The following NSUN4 variants were observed in gnomAD, a reference collection of about 807,000 sequenced individuals.
NSUN4 encodes the protein NOP2/Sun RNA methyltransferase 4, also known as 5-cytosine rRNA methyltransferase NSUN4.
Under a neutral mutation model 43.8 loss-of-function variants are expected in NSUN4, and 31 were observed. The observed-to-expected ratio is 0.71, with a 90% CI of 0.53 to 0.96. The LOEUF (loss-of-function observed/expected upper bound fraction) is 0.96. Among genes scored for constraint, NSUN4 ranks in the 40% least tolerant of loss-of-function variants. The pLI is 0.00. For synonymous variants in NSUN4, 167 were observed against 184.1 expected, an observed-to-expected ratio of 0.91 and a Z score of 0.75; for missense variants, 439 against 475.6, an observed-to-expected ratio of 0.92 and a Z score of 0.72.
chr1:46,370,158 G>A, the NSUN4 span, among the ~76,000 whole-genome samples: 15 of 152,140 alleles, frequency 9.9e-5, no homozygotes, highest in South Asian at 8.3e-4. Flanking sequence ...GGGGAATTGG[G>A]AGTATTTCGC....
Position 46,361,856 on chromosome 1 carries a change from A to G in NSUN4, c.*10A>G, listed in dbSNP as rs756374841. 1 of 1,610,956 alleles carries G rather than the reference A, an allele frequency of 6.2e-7. No individual in the cohort carries two copies. Among genetic ancestry groups the G allele is most frequent in the Non-Finnish European group, 8.5e-7 (1 of 1,178,102 alleles). ...GCGTAGGCTGACATAGTATCACCCA[A>G]TCCCTGAAGCAAGAATACAAAGGGT... On this transcript the variant is annotated 3_prime_UTR_variant, in exon 6 of 6. Coordinates refer to ENST00000474844, the MANE Select transcript of NSUN4 (RefSeq NM_199044.4).
chr1:46,353,009 A>T lies in NSUN4; in HGVS notation c.734A>T (p.Glu245Val). 3 of 1,614,034 alleles carry T rather than the reference A, an allele frequency of 1.9e-6. No homozygotes were observed. Among genetic ancestry groups the T allele is most frequent in the Non-Finnish European group, 2.5e-6 (3 of 1,179,956 alleles). ...SWDGRKWGEL[E>V]GDTYDRVLVD... ...GATGGCAGGAAATGGGGAGAACTGG[A>T]GGGGGACACCTATGACCGGGTGAGT... The change falls in exon 4 of 6, where the codon GAG becomes GTG. Residue 245 changes from glutamate (E) to valine (V), a missense_variant. Transcript: ENST00000474844.
rs1319813622 is a variant in NSUN4 at position 46,362,899 on chromosome 1, T to C, written c.*1053T>C. On this transcript the variant is annotated 3_prime_UTR_variant, in exon 6 of 6. Transcript: ENST00000474844. ...GACTGCATACTCGATATGTTGTTTT[T>C]GTAACTTTAGCCAAAAGAAAGTAAC... 6.6e-6 allele frequency: 1 copy of C among 152,162 alleles called. No individual in the cohort carries two copies. The highest frequency in any genetic ancestry group is 1.5e-5 in the Non-Finnish European group (1 of 68,032). 9.4% of individuals were successfully genotyped at this position (152,162 alleles called of 1,614,324 possible).
intron 2 of NSUN4, 129 bp downstream of exon 2, chr1:46,345,273 T>G (rs1234617874): frequency 2.2e-5 from 15 of 682,688 alleles, no homozygotes; most frequent in Non-Finnish European, 3.4e-5. Context: ...TTATACAGAC[T>G]AGGCATTTTT....
At chr1:46,343,017 ACTT>A (rs2148359826) in intron 1 of NSUN4, 1 of 399,356 alleles carries the variant, frequency 2.5e-6, no homozygotes, top group African/African-American at 2.1e-5. Context: ...TGTTATCCCC[ACTT>A]CTTTTCCCCT....
chr1:46,376,218 G>C, the NSUN4 span, among the ~76,000 whole-genome samples: 1 of 151,166 alleles, frequency 6.6e-6, no homozygotes, highest in Admixed American at 6.6e-5. Context: ...GATCAGCCTG[G>C]TGAACATGGT....
chr1:46,343,677 C>A, intron 1 of NSUN4: 4 of 399,940 alleles, frequency 1.0e-5, no homozygotes, highest in Non-Finnish European at 1.8e-5. Context: ...AAGCTGGGGC[C>A]GGAGCAGTAA....
chr1:46,352,236 G>C (rs1355341050), intron 3 of NSUN4, among the ~76,000 whole-genome samples: 2 of 151,394 alleles, frequency 1.3e-5, no homozygotes, highest in Admixed American at 1.3e-4. Flanking sequence ...GGGATCACCT[G>C]AGGTCAGGAG....
chr1:46,346,493 A>C (rs2148370981), intron 2 of NSUN4, among the ~76,000 whole-genome samples: 1 of 145,512 alleles, frequency 6.9e-6, no homozygotes, highest in East Asian at 2.0e-4. Context: ...CAGAGGTTGC[A>C]GTGAGCCAAG....
At chr1:46,384,027 A>G in the NSUN4 span, among the ~76,000 whole-genome samples, 21 of 152,126 alleles carry the variant, frequency 1.4e-4, 2 homozygotes, top group Admixed American at 1.4e-3. Context: ...AACGAGAGTG[A>G]TGGGGTGAGT....
In NSUN4 at chr1:46,347,042, A is replaced by T; in HGVS notation, c.559A>T (p.Lys187Ter). The change falls in exon 3 of 6, where the codon AAG (lysine) becomes TAG (stop). Residue 187 changes from lysine (K) to a stop codon, truncating the protein, a stop_gained. Coordinates refer to ENST00000474844, the MANE Select transcript of NSUN4 (RefSeq NM_199044.4). LOFTEE classifies it high-confidence loss of function. ...TGACCTATGTGCAGCTCCTGGGGGA[A>T]AGACACTAGCGTTGCTTCAGACTGG... ...VLDLCAAPGG[K>*]TLALLQTGCC... 1.2e-6 allele frequency: 2 copies of T among 1,614,146 alleles called. No individual in the cohort carries two copies. Among genetic ancestry groups the T allele is most frequent in the Non-Finnish European group, 8.5e-7 (1 of 1,180,008 alleles).
intron 4 of NSUN4, among the ~76,000 whole-genome samples, chr1:46,353,310 C>A (rs1336845142): frequency 5.3e-5 from 8 of 152,134 alleles, no homozygotes; most frequent in Non-Finnish European, 7.4e-5. Context: ...CTTGGTTGCT[C>A]AGAAAGCCTC....
the NSUN4 span, among the ~76,000 whole-genome samples, chr1:46,379,616 A>AAACC: frequency 6.6e-5 from 10 of 152,292 alleles, no homozygotes; most frequent in East Asian, 5.8e-4. Flanking sequence ...CTCTGTCTCA[A>AAACC]AACCAACCAA....
intron 4 of NSUN4, among the ~76,000 whole-genome samples, chr1:46,353,793 A>C: frequency 6.7e-6 from 1 of 148,264 alleles, no homozygotes; most frequent in Admixed American, 6.7e-5. Flanking sequence ...ATATTATATT[A>C]TACTCACTAT....
intron 4 of NSUN4, among the ~76,000 whole-genome samples, chr1:46,357,946 G>A (rs1024719769): frequency 2.6e-5 from 4 of 152,118 alleles, no homozygotes; most frequent in South Asian, 4.2e-4. Flanking sequence ...AGACAGTCTC[G>A]CTCTGTTGTC....
the NSUN4 span, among the ~76,000 whole-genome samples, chr1:46,372,809 G>A: frequency 6.6e-6 from 1 of 152,146 alleles, no homozygotes; most frequent in African/African-American, 2.4e-5. Flanking sequence ...TGCAACCTCT[G>A]CCTCCCAGGT....
rs1433807915 is a variant in NSUN4, at chr1:46,341,807, G to A, written c.93+888G>A. 8.9e-6 allele frequency: 11 copies of A among 1,232,646 alleles called. No homozygotes were observed. The East Asian group carries it at 3.5e-4, about 39-fold the overall frequency. 76.4% of individuals were successfully genotyped at this position (1,232,646 alleles called of 1,614,324 possible). On this transcript the variant is annotated intron_variant, in intron 1 of 5. Transcript: ENST00000474844. ...TTCCGGGGTCACCCCCTCTCTGTCA[G>A]CGGACACCTTATTGCAGCTGGATGA...
At chr1:46,365,070 T>A (rs1332562413), downstream of NSUN4, 1 of 152,230 alleles carries the variant, frequency 6.6e-6, no homozygotes, top group Non-Finnish European at 1.5e-5. Flanking sequence ...CTTGGAAAAT[T>A]TTTGCATATA....
Position 46,345,096 on chromosome 1 carries a change from G to C in NSUN4, c.389G>C (p.Arg130Pro), listed in dbSNP as rs750495121. ...TCCTGGGCCTGCAGTCCGAACCTTC[G>C]ATGCTTCACTTTTGACAGAGGGGAT... ...PASWACSPNL[R>P]CFTFDRGDIS... The change falls in exon 2 of 6, where the codon CGA (arginine) becomes CCA (proline). Residue 130 changes from arginine to proline, a missense_variant. Arg to Pro is a moderately radical substitution (Grantham distance 103). Coordinates refer to ENST00000474844, the MANE Select transcript of NSUN4 (RefSeq NM_199044.4). The C allele has an allele frequency of 3.7e-6, 6 of 1,613,778 alleles. No individual in the cohort carries two copies. Among genetic ancestry groups the C allele is most frequent in the Admixed American group, 1.7e-5 (1 of 60,004 alleles).
Sources: gnomAD v4.1 joint callset for allele counts (sites outside exome capture counted in the v4.1 genomes callset) on GRCh38, gnomAD v4.1.1 for gene constraint, MANE v1.5 for transcripts, NCBI Gene and HGNC (gene_info 2026-07-23, HGNC 2026-07-21) for gene names.